CTNNA3: variants seen among roughly 807,000 people sequenced by gnomAD.
CTNNA3 encodes the protein catenin alpha 3, also known as catenin alpha-3.
CTNNA3 carries 76 observed loss-of-function variants against 95.7 expected under a neutral mutation model. That is an observed-to-expected ratio of 0.79 (90% CI 0.66 to 0.96). CTNNA3 has a LOEUF of 0.96. Among genes scored for constraint, CTNNA3 ranks in the 40% least tolerant of loss-of-function variants. The probability of loss-of-function intolerance (pLI) is 0.00; values close to 1 mark genes in which losing one functional copy is unlikely to be tolerated. For missense variants in CTNNA3, 1,191 were observed against 1,089.8 expected, an observed-to-expected ratio of 1.09 and a Z score of -1.31; for synonymous variants, 431 against 374.4, an observed-to-expected ratio of 1.15 and a Z score of -1.74.
chr10:66,760,109 A>T (rs574338909), intron 9 of CTNNA3, among the ~76,000 whole-genome samples: 1 of 152,320 alleles, frequency 6.6e-6, no homozygotes, highest in East Asian at 1.9e-4. Flanking sequence ...TTTATTTTAA[A>T]TGCAATCTAT....
chr10:66,432,618 G>A (rs947915059), intron 11 of CTNNA3, among the ~76,000 whole-genome samples: 4 of 148,650 alleles, frequency 2.7e-5, no homozygotes, highest in South Asian at 2.1e-4. Flanking sequence ...CAGAGATTGC[G>A]CCACTGCACT....
chr10:67,725,932 T>C (rs961849312), intron 1 of CTNNA3, among the ~76,000 whole-genome samples: 4 of 139,954 alleles, frequency 2.9e-5, no homozygotes, highest in Non-Finnish European at 4.5e-5. Flanking sequence ...TATATAATTA[T>C]ATAATTATTT....
At chr10:67,267,626 A>G (rs1216347798) in intron 5 of CTNNA3, among the ~76,000 whole-genome samples, 1 of 152,182 alleles carries the variant, frequency 6.6e-6, no homozygotes, top group Non-Finnish European at 1.5e-5. Flanking sequence ...TCGGCCTCCC[A>G]AAAATTATAA....
At chr10:66,272,017 G>A (rs1367427232) in intron 13 of CTNNA3, among the ~76,000 whole-genome samples, 1 of 152,180 alleles carries the variant, frequency 6.6e-6, no homozygotes, top group Non-Finnish European at 1.5e-5. Flanking sequence ...TTGCTGACCA[G>A]TGCCAGCAGG....
chr10:65,926,369 C>G (rs1338037026), intron 17 of CTNNA3, among the ~76,000 whole-genome samples: 1 of 151,738 alleles, frequency 6.6e-6, no homozygotes, highest in East Asian at 1.9e-4. Context: ...GAGAGTGCCA[C>G]TGTGGAATTA....
chr10:66,133,881 G>A (rs2083236632), intron 13 of CTNNA3, among the ~76,000 whole-genome samples: 1 of 87,398 alleles, frequency 1.1e-5, no homozygotes, highest in Admixed American at 1.4e-4. Context: ...AACTTCACAT[G>A]AATTTTTAAA....
intron 7 of CTNNA3, among the ~76,000 whole-genome samples, chr10:67,162,491 A>G (rs2132092266): frequency 6.6e-6 from 1 of 152,078 alleles, no homozygotes; most frequent in Non-Finnish European, 1.5e-5. Flanking sequence ...AGACAACAGG[A>G]AAATCTGCAA....
At chr10:66,147,802 TATGTATAGTATGC>T (rs1178809847) in intron 13 of CTNNA3, among the ~76,000 whole-genome samples, 33 of 151,070 alleles carry the variant, frequency 2.2e-4, no homozygotes, top group Non-Finnish European at 3.5e-4. Context: ...GTATAGTATG[TATGTATAGTATGC>T]TATGTTTATA....
At chr10:67,127,516 C>G (rs1859772930) in intron 7 of CTNNA3, among the ~76,000 whole-genome samples, 1 of 152,280 alleles carries the variant, frequency 6.6e-6, no homozygotes, top group African/African-American at 2.4e-5. Flanking sequence ...AGTGGAATAT[C>G]CATTCTTTCC....
At chr10:67,485,367 T>C (rs1314969473) in intron 5 of CTNNA3, among the ~76,000 whole-genome samples, 1 of 152,076 alleles carries the variant, frequency 6.6e-6, no homozygotes, top group Non-Finnish European at 1.5e-5. Context: ...AGAGGAGTAA[T>C]AGCTGAAAAA....
At chr10:66,502,371 T>C (rs1330633990) in intron 11 of CTNNA3, among the ~76,000 whole-genome samples, 1 of 152,178 alleles carries the variant, frequency 6.6e-6, no homozygotes, top group East Asian at 1.9e-4. Flanking sequence ...ATGTATTTTT[T>C]ATTATAAATG....
chr10:66,674,634 T>TTTGTC (rs1460068061), intron 9 of CTNNA3, among the ~76,000 whole-genome samples: 2 of 152,066 alleles, frequency 1.3e-5, no homozygotes, highest in Non-Finnish European at 2.9e-5. Context: ...ATCATTATCT[T>TTTGTC]TTGTCTACCT....
intron 13 of CTNNA3, among the ~76,000 whole-genome samples, chr10:66,273,949 A>T (rs2091335391): frequency 6.6e-6 from 1 of 151,992 alleles, no homozygotes; most frequent in Non-Finnish European, 1.5e-5. Context: ...TAGCTCCAGG[A>T]ACCTCGAAGA....
intron 7 of CTNNA3, among the ~76,000 whole-genome samples, chr10:66,811,579 C>T (rs549953823): frequency 6.6e-6 from 1 of 152,222 alleles, no homozygotes; most frequent in South Asian, 2.1e-4. Context: ...CTGGACATAG[C>T]AGAACATTTA....
intron 11 of CTNNA3, among the ~76,000 whole-genome samples, chr10:66,507,593 T>C (rs1840495032): frequency 6.6e-6 from 1 of 152,154 alleles, no homozygotes; most frequent in Non-Finnish European, 1.5e-5. Context: ...AGTGAGAACA[T>C]GCAATATTTA....
At chr10:67,661,648 A>G (rs1390064995) in intron 1 of CTNNA3, among the ~76,000 whole-genome samples, 1 of 152,194 alleles carries the variant, frequency 6.6e-6, no homozygotes, top group Non-Finnish European at 1.5e-5. Context: ...AAGGTCTTGT[A>G]TCCAGGAAAT....
chr10:66,003,063 T>C (rs1412914135), intron 15 of CTNNA3, among the ~76,000 whole-genome samples: 1 of 152,190 alleles, frequency 6.6e-6, no homozygotes, highest in Non-Finnish European at 1.5e-5. Context: ...CTAATACAGC[T>C]GTAATTACAT....
chr10:67,023,396 C>G (rs1167562404), intron 7 of CTNNA3, among the ~76,000 whole-genome samples: 1 of 152,110 alleles, frequency 6.6e-6, no homozygotes, highest in African/African-American at 2.4e-5. Context: ...AAAGAAGCAT[C>G]AAACTTCAGC....
chr10:67,508,533 A>G (rs1839501835), intron 5 of CTNNA3, among the ~76,000 whole-genome samples: 1 of 152,210 alleles, frequency 6.6e-6, no homozygotes, highest in Admixed American at 6.5e-5. Flanking sequence ...CTGTAAACAT[A>G]AGCCCTGAAA....
Sources: gnomAD v4.1 joint callset for allele counts (sites outside exome capture counted in the v4.1 genomes callset) on GRCh38, gnomAD v4.1.1 for gene constraint, MANE v1.5 for transcripts, NCBI Gene and HGNC (gene_info 2026-07-23, HGNC 2026-07-21) for gene names.